The following STRN variants were observed in gnomAD, a reference collection of about 807,000 sequenced individuals.
STRN encodes the protein striatin.
STRN carries 53 observed loss-of-function variants against 96.3 expected under a neutral mutation model. The observed-to-expected ratio is 0.55, with a 90% CI of 0.44 to 0.69. The LOEUF (loss-of-function observed/expected upper bound fraction) is 0.69, where lower values mean the gene tolerates loss of function less well. Ranked by LOEUF, STRN falls within the 30% of genes least tolerant of loss-of-function variation. The probability of loss-of-function intolerance (pLI) is 0.00; values close to 1 mark genes in which losing one functional copy is unlikely to be tolerated. For synonymous variants in STRN, 428 were observed against 355.9 expected (o/e 1.20, Z -2.28); for missense variants, 987 against 963.9 (o/e 1.02, Z -0.32).
chr2:36,898,583 G>C (rs1368950078), intron 6 of STRN, among the ~76,000 whole-genome samples: 7 of 152,166 alleles, frequency 4.6e-5, no homozygotes, highest in Non-Finnish European at 7.3e-5. Context: ...CGCACATAGT[G>C]TCTCTTTGTT....
chr2:36,906,930 C>CAAA (rs757668750), intron 3 of STRN, among the ~76,000 whole-genome samples: 27 of 127,258 alleles, frequency 2.1e-4, no homozygotes, highest in Middle Eastern at 4.0e-3. Flanking sequence ...TCTCAAAAAA[C>CAAA]AAAAAAAACA....
chr2:36,878,066 A>C (rs2148164805), intron 9 of STRN, 39 bp from the exon 10 acceptor site: 1 of 1,608,546 alleles, frequency 6.2e-7, no homozygotes, highest in Non-Finnish European at 8.5e-7. Flanking sequence ...AAAAATCTCT[A>C]AGGAGCCAAC....
At chr2:36,880,326 C>T (rs1669035055) in intron 9 of STRN, among the ~76,000 whole-genome samples, 2 of 152,120 alleles carry the variant, frequency 1.3e-5, no homozygotes, top group African/African-American at 2.4e-5. Context: ...CTAGTCCTAG[C>T]TAACTGGAAG....
chr2:36,862,896 C>G (rs956051182), intron 12 of STRN, among the ~76,000 whole-genome samples: 1 of 152,028 alleles, frequency 6.6e-6, no homozygotes, highest in African/African-American at 2.4e-5. Context: ...CCACCACGCC[C>G]GTCTAATTTT....
At chr2:36,909,452 C>A (rs1327685024) in intron 3 of STRN, among the ~76,000 whole-genome samples, 2 of 151,932 alleles carry the variant, frequency 1.3e-5, no homozygotes, top group Admixed American at 6.6e-5. Flanking sequence ...AACTATAAAA[C>A]AAAACAGACG....
At chr2:36,887,736 TGTTA>T (rs1317393315) in intron 7 of STRN, among the ~76,000 whole-genome samples, 13 of 152,362 alleles carry the variant, frequency 8.5e-5, no homozygotes, top group African/African-American at 2.4e-4. Flanking sequence ...ACTTAAATGA[TGTTA>T]GTTTATAAAT....
chr2:36,894,979 G>A (rs1160227860), intron 6 of STRN, among the ~76,000 whole-genome samples: 3 of 152,090 alleles, frequency 2.0e-5, no homozygotes, highest in Non-Finnish European at 4.4e-5. Context: ...ACAGAACAAA[G>A]GTGGCATCAT....
intron 1 of STRN, among the ~76,000 whole-genome samples, chr2:36,935,347 A>G (rs1670676005): frequency 6.6e-6 from 1 of 152,226 alleles, no homozygotes; most frequent in Non-Finnish European, 1.5e-5. Flanking sequence ...TGTACATATT[A>G]TTTTAACACT....
rs1442579402 is a variant in STRN, at chr2:36,857,957, G to T, written c.1736C>A (p.Ala579Glu). 1 of 1,613,410 alleles carries T rather than the reference G, an allele frequency of 6.2e-7. No homozygotes were observed. The highest frequency in any genetic ancestry group is 2.2e-5 in the East Asian group (1 of 44,876). The change falls in exon 14 of 18, where the codon GCA becomes GAA. Residue 579 changes from alanine to glutamate, a missense_variant. Transcript: ENST00000263918. Reference protein sequence around the residue: ...TDAVWGLAYSAAHQRLLSCSA... With the variant: ...TDAVWGLAYSEAHQRLLSCSA... ...ACAGGACAACAAACGCTGATGTGCT[G>T]CACTATAAGCCAAACCCCAGACTGC...
At chr2:36,913,237 C>T (rs1180709267) in intron 3 of STRN, among the ~76,000 whole-genome samples, 3 of 152,148 alleles carry the variant, frequency 2.0e-5, no homozygotes, top group Non-Finnish European at 4.4e-5. Flanking sequence ...TTATTATATT[C>T]CTAAGCGTGA....
chr2:36,906,550 G>C (rs1669826170), intron 3 of STRN, among the ~76,000 whole-genome samples: 1 of 151,850 alleles, frequency 6.6e-6, no homozygotes. Flanking sequence ...GAGGAATGAT[G>C]GTAGAAGAGC....
chr2:36,890,872 G>A (rs1355652544), intron 7 of STRN, among the ~76,000 whole-genome samples: 2 of 152,170 alleles, frequency 1.3e-5, no homozygotes, highest in African/African-American at 4.8e-5. Context: ...AGGGCAAGAA[G>A]AAGTCAGCTG....
Position 36,945,007 on chromosome 2 carries a change from G to A in STRN, c.235-19799C>T, listed in dbSNP as rs80351154. Among the ~76,000 whole-genome samples the A allele has an allele frequency of 6.2e-4, 95 of 152,256 alleles. No homozygotes were observed. The East Asian group carries it at 0.014, about 22-fold the overall frequency. On this transcript the variant is annotated intron_variant, in intron 1 of 17. Coordinates refer to ENST00000263918, the MANE Select transcript of STRN (RefSeq NM_003162.4). Reference sequence around the variant, plus strand: ...AATGTGCAGTACTTAGTCAAATCAAGTGTATATATAGCCAACAAACCAGCA... The same window carrying A: ...AATGTGCAGTACTTAGTCAAATCAAATGTATATATAGCCAACAAACCAGCA...
intron 11 of STRN, 112 bp downstream of exon 11, chr2:36,869,442 A>G (rs1327074313): frequency 1.9e-6 from 2 of 1,043,590 alleles, no homozygotes; most frequent in East Asian, 2.8e-5. Flanking sequence ...GACATGGAAG[A>G]AAGAACTAGA....
At chr2:36,867,712 C>A in intron 12 of STRN, 102 bp downstream of exon 12, 1 of 746,918 alleles carries the variant, frequency 1.3e-6, no homozygotes, top group Admixed American at 3.1e-5. Context: ...AAAAACACTC[C>A]TAAATACAAA....
intron 1 of STRN, among the ~76,000 whole-genome samples, chr2:36,927,174 A>G (rs969535293): frequency 2.6e-5 from 4 of 152,008 alleles, no homozygotes; most frequent in Non-Finnish European, 4.4e-5. Flanking sequence ...TCTTTACTGT[A>G]TATGTTCAAC....
intron 1 of STRN, among the ~76,000 whole-genome samples, chr2:36,932,165 C>G (rs13398883): frequency 4.0e-5 from 6 of 149,646 alleles, no homozygotes; most frequent in African/African-American, 1.5e-4. Context: ...GCTAGTTTTA[C>G]TTTTTTTTTG....
chr2:36,886,005 T>G (rs1174805890), intron 8 of STRN, among the ~76,000 whole-genome samples: 1 of 152,150 alleles, frequency 6.6e-6, no homozygotes, highest in African/African-American at 2.4e-5. Flanking sequence ...CCATTTTACA[T>G]TCTTAACTAG....
intron 1 of STRN, among the ~76,000 whole-genome samples, chr2:36,933,848 C>T (rs1203256779): frequency 6.6e-6 from 1 of 152,066 alleles, no homozygotes; most frequent in Non-Finnish European, 1.5e-5. Flanking sequence ...GGTGGCTTAA[C>T]CTTGTAACCC....
Sources: allele counts gnomAD v4.1 joint callset (sites outside exome capture counted in the v4.1 genomes callset), GRCh38; gene constraint gnomAD v4.1.1; transcripts MANE v1.5; gene names NCBI Gene and HGNC (gene_info 2026-07-23, HGNC 2026-07-21).